Variants in BABAM2 observed in about 807,000 individuals in gnomAD.
The protein encoded by BABAM2 is BRISC and BRCA1 A complex member 2.
Under a neutral mutation model 54.7 loss-of-function variants are expected in BABAM2, and 31 were observed. The ratio of observed to expected loss-of-function variants is 0.57; its 90% CI spans 0.43 to 0.77. The LOEUF (loss-of-function observed/expected upper bound fraction) is 0.77. Among genes scored for constraint, BABAM2 ranks in the 30% least tolerant of loss-of-function variants. BABAM2 has a pLI of 0.00. For synonymous variants in BABAM2, 167 were observed against 162.9 expected, an observed-to-expected ratio of 1.03 and a Z score of -0.19; for missense variants, 364 against 455.8, an observed-to-expected ratio of 0.80 and a Z score of 1.83.
At chr2:28,185,106 A>G (rs115792946) in intron 7 of BABAM2, among the ~76,000 whole-genome samples, 139 of 152,360 alleles carry the variant, frequency 9.1e-4, no homozygotes, top group African/African-American at 3.3e-3. Context: ...AAGCCTTTCA[A>G]GAGGTTAAAA....
chr2:28,178,793 CA>C (rs1252335056), intron 7 of BABAM2, among the ~76,000 whole-genome samples: 1 of 149,170 alleles, frequency 6.7e-6, no homozygotes, highest in Admixed American at 6.6e-5. Context: ...AAATCAGAAA[CA>C]AAAAAAGAGG....
At chr2:28,292,594 A>G (rs889574941) in intron 10 of BABAM2, among the ~76,000 whole-genome samples, 2 of 152,200 alleles carry the variant, frequency 1.3e-5, no homozygotes, top group Admixed American at 6.5e-5. Flanking sequence ...ATCCAGCCAC[A>G]CAATGATGAC....
At chr2:27,993,168 C>T (rs981129306) in intron 4 of BABAM2, among the ~76,000 whole-genome samples, 2 of 152,050 alleles carry the variant, frequency 1.3e-5, no homozygotes, top group Admixed American at 1.3e-4. Context: ...AAGGGCAGTC[C>T]CAGGCAAACT....
Position 28,045,748 on chromosome 2 carries a change from C to A in BABAM2, c.519C>A (p.Phe173Leu). The change falls in exon 6 of 12, where the codon TTC (phenylalanine) becomes TTA (leucine). Residue 173 changes from phenylalanine to leucine, a missense_variant. Phe to Leu is a conservative substitution (Grantham distance 22). Transcript: ENST00000379624. ...NNWTGEFSAR[F>L]LLKLPVDFSN... ...AGACTGGTGAATTTTCAGCTCGTTT[C>A]CTTTTGAAGCTGCCCGTAGATTTCA... 2 of 1,611,234 alleles carry A rather than the reference C, an allele frequency of 1.2e-6. No individual in the cohort carries two copies. Among genetic ancestry groups the A allele is most frequent in the Non-Finnish European group, 1.7e-6 (2 of 1,178,166 alleles).
intron 4 of BABAM2, among the ~76,000 whole-genome samples, chr2:28,003,980 G>A (rs555778818): frequency 6.6e-6 from 1 of 152,128 alleles, no homozygotes; most frequent in South Asian, 2.1e-4. Flanking sequence ...AACTCATATA[G>A]CAATGAGGTT....
At chr2:28,211,984 T>C (rs1048220503) in intron 7 of BABAM2, among the ~76,000 whole-genome samples, 4 of 152,180 alleles carry the variant, frequency 2.6e-5, no homozygotes, top group Middle Eastern at 6.3e-3. Context: ...GATTTTTTTT[T>C]CCCATAAGTC....
At chr2:28,176,442 C>T (rs543000861) in intron 7 of BABAM2, among the ~76,000 whole-genome samples, 48 of 151,182 alleles carry the variant, frequency 3.2e-4, no homozygotes, top group Non-Finnish European at 6.9e-4. Context: ...TGGTGGCGCA[C>T]ACCTGTAGTC....
At chr2:28,142,084 A>C (rs1671115132) in intron 7 of BABAM2, among the ~76,000 whole-genome samples, 1 of 152,196 alleles carries the variant, frequency 6.6e-6, no homozygotes, top group Non-Finnish European at 1.5e-5. Flanking sequence ...ACGGTCTAAC[A>C]TCAATGTTTT....
At chr2:27,986,813 A>G (rs1279539775) in intron 3 of BABAM2, among the ~76,000 whole-genome samples, 1 of 152,182 alleles carries the variant, frequency 6.6e-6, no homozygotes, top group African/African-American at 2.4e-5. Context: ...ATACATGTAC[A>G]CAAGTATACA....
chr2:28,091,397 T>A (rs1666145010), intron 6 of BABAM2, among the ~76,000 whole-genome samples: 1 of 152,190 alleles, frequency 6.6e-6, no homozygotes, highest in Admixed American at 6.5e-5. Context: ...AGACTATTTT[T>A]ATTATTATAG....
At chr2:28,018,582 C>A (rs1675018242) in intron 4 of BABAM2, among the ~76,000 whole-genome samples, 1 of 152,204 alleles carries the variant, frequency 6.6e-6, no homozygotes, top group African/African-American at 2.4e-5. Context: ...AATCTCCACA[C>A]TGTTTTGCAT....
chr2:27,951,782 T>C (rs1558613340), intron 3 of BABAM2, among the ~76,000 whole-genome samples: 1 of 152,214 alleles, frequency 6.6e-6, no homozygotes, highest in African/African-American at 2.4e-5. Context: ...TGGTGATTTG[T>C]GAGATTTTGG....
chr2:28,231,529 A>G (rs984629993), intron 7 of BABAM2, among the ~76,000 whole-genome samples: 2 of 152,084 alleles, frequency 1.3e-5, no homozygotes, highest in Non-Finnish European at 2.9e-5. Flanking sequence ...TCCCCTTTCC[A>G]TGCTTCAACT....
chr2:27,983,984 C>T (rs1260401922), intron 3 of BABAM2, among the ~76,000 whole-genome samples: 3 of 41,970 alleles, frequency 7.1e-5, no homozygotes, highest in Admixed American at 6.3e-4. Context: ...TTGCTAGAGC[C>T]TCCAGTATAA....
At chr2:28,180,979 AGAG>A (rs1675564668) in intron 7 of BABAM2, among the ~76,000 whole-genome samples, 1 of 152,166 alleles carries the variant, frequency 6.6e-6, no homozygotes, top group Non-Finnish European at 1.5e-5. Context: ...GTGAAGATGC[AGAG>A]AAAAGGGAAC....
intron 6 of BABAM2, among the ~76,000 whole-genome samples, chr2:28,086,414 A>G (rs1184661352): frequency 6.6e-6 from 1 of 152,220 alleles, no homozygotes; most frequent in Non-Finnish European, 1.5e-5. Flanking sequence ...CCTCAACGTA[A>G]ACATGCTCCC....
chr2:28,190,810 A>G lies in BABAM2; in HGVS notation c.681-46392A>G, dbSNP rs981011479. Among the ~76,000 whole-genome samples the G allele has an allele frequency of 3.3e-5, 5 of 152,234 alleles. No homozygotes were observed. In the East Asian group the frequency reaches 7.7e-4, roughly 23 times the overall value. On this transcript the variant is annotated intron_variant, in intron 7 of 11. Coordinates refer to ENST00000379624, the MANE Select transcript of BABAM2 (RefSeq NM_199191.3). Reference sequence around the variant, plus strand: ...ATCACCTGAGGGTTAGGATTTCAACATATGATTTTGGGAGAGACACAAACA... The same window carrying G: ...ATCACCTGAGGGTTAGGATTTCAACGTATGATTTTGGGAGAGACACAAACA...
chr2:27,966,324 TTTTC>T (rs1558624082), intron 3 of BABAM2, among the ~76,000 whole-genome samples: 1 of 152,228 alleles, frequency 6.6e-6, no homozygotes. Flanking sequence ...AATTCTTTCT[TTTTC>T]TTTATTTTCC....
chr2:28,195,681 C>T (rs74721380), intron 7 of BABAM2, among the ~76,000 whole-genome samples: 1,938 of 152,124 alleles, frequency 0.013, 36 homozygotes, highest in African/African-American at 0.044. Flanking sequence ...ATATACAGTT[C>T]GGATATAGAC....
Sources: gnomAD v4.1 joint callset for allele counts (sites outside exome capture counted in the v4.1 genomes callset) on GRCh38, gnomAD v4.1.1 for gene constraint, MANE v1.5 for transcripts, NCBI Gene and HGNC (gene_info 2026-07-23, HGNC 2026-07-21) for gene names.